Variants in SLC24A2 observed in about 807,000 individuals in gnomAD.
SLC24A2 encodes solute carrier family 24 member 2, also known as sodium/potassium/calcium exchanger 2.
A neutral mutation model predicts 62.0 loss-of-function variants in SLC24A2; 36 were observed. The ratio of observed to expected loss-of-function variants is 0.58; its 90% CI spans 0.44 to 0.77. SLC24A2 has a LOEUF of 0.77. SLC24A2 is among the 30% of genes least tolerant of loss of function. The pLI is 0.00. For missense variants in SLC24A2, 846 were observed against 817.9 expected, an observed-to-expected ratio of 1.03 and a Z score of -0.42; for synonymous variants, 358 against 294.0, an observed-to-expected ratio of 1.22 and a Z score of -2.23.
the SLC24A2 span, among the ~76,000 whole-genome samples, chr9:20,221,022 A>T: frequency 6.6e-6 from 1 of 152,204 alleles, no homozygotes; most frequent in African/African-American, 2.4e-5. Context: ...TTTACAAAAT[A>T]GGCAAAAAAT....
chr9:20,252,491 C>T, the SLC24A2 span, among the ~76,000 whole-genome samples: 8 of 152,146 alleles, frequency 5.3e-5, no homozygotes, highest in African/African-American at 1.2e-4. Context: ...TACTACACCA[C>T]GTGACTTTCA....
chr9:20,287,835 T>C, the SLC24A2 span, among the ~76,000 whole-genome samples: 1 of 152,196 alleles, frequency 6.6e-6, no homozygotes, highest in African/African-American at 2.4e-5. Flanking sequence ...GTTCATAACA[T>C]GCTCCCTTAG....
chr9:19,531,576 A>G (rs1471345715), intron 8 of SLC24A2, among the ~76,000 whole-genome samples: 1 of 152,188 alleles, frequency 6.6e-6, no homozygotes, highest in Non-Finnish European at 1.5e-5. Context: ...GCTTGGAAAA[A>G]GATGCTGGAC....
At chr9:20,235,452 C>T in the SLC24A2 span, among the ~76,000 whole-genome samples, 18 of 150,222 alleles carry the variant, frequency 1.2e-4, no homozygotes, top group Admixed American at 2.7e-4. Context: ...CCCCCAGCCT[C>T]GCTGCCACCT....
chr9:19,801,409 G>A, the SLC24A2 span, among the ~76,000 whole-genome samples: 2 of 152,288 alleles, frequency 1.3e-5, no homozygotes, highest in South Asian at 2.1e-4. Context: ...AGTCAGCGGC[G>A]GGTCTGCAAT....
the SLC24A2 span, among the ~76,000 whole-genome samples, chr9:20,223,046 G>C: frequency 6.6e-6 from 1 of 151,918 alleles, no homozygotes; most frequent in East Asian, 1.9e-4. Context: ...AAATCAAAAA[G>C]AAAGTTTAAG....
In SLC24A2 at chr9:19,672,074, G is replaced by A. The variant is rs1440303084; in HGVS notation, c.931-49775C>T. ...TAGGGTGATACCGGCTTCACAGAAT[G>A]ATTTAGGAAGAATTCCCTCTTTCTC... is the stretch of plus-strand genomic sequence containing the variant. On this transcript the variant is annotated intron_variant, in intron 2 of 10. Coordinates refer to ENST00000341998, the MANE Select transcript of SLC24A2 (RefSeq NM_020344.4). 2.7e-5 allele frequency among the ~76,000 whole-genome samples: 4 copies of A among 146,436 alleles called. 1 individual carries two copies. The highest frequency in any genetic ancestry group is 1.3e-4 in the Admixed American group (2 of 14,962).
chr9:19,600,258 T>C (rs540481332), intron 4 of SLC24A2, among the ~76,000 whole-genome samples: 11 of 152,346 alleles, frequency 7.2e-5, no homozygotes, highest in African/African-American at 2.4e-4. Flanking sequence ...CTTGCTTTCA[T>C]GCCACCGTGG....
At chr9:19,784,149 G>T (rs982153923) in intron 2 of SLC24A2, among the ~76,000 whole-genome samples, 15 of 152,150 alleles carry the variant, frequency 9.9e-5, no homozygotes, top group Non-Finnish European at 2.1e-4. Flanking sequence ...AGTAGGTAAA[G>T]ATCATTCCAG....
intron 2 of SLC24A2, among the ~76,000 whole-genome samples, chr9:19,745,991 A>G (rs1037231210): frequency 1.3e-5 from 2 of 152,136 alleles, no homozygotes; most frequent in African/African-American, 2.4e-5. Context: ...AGTCTAATAC[A>G]TTAGTTGAAG....
the SLC24A2 span, among the ~76,000 whole-genome samples, chr9:19,836,494 C>G: frequency 2.2e-4 from 33 of 152,274 alleles, no homozygotes; most frequent in African/African-American, 6.0e-4. Flanking sequence ...TGGATAAATT[C>G]CTCAACACAT....
intron 2 of SLC24A2, among the ~76,000 whole-genome samples, chr9:19,622,705 A>G (rs1475506817): frequency 1.3e-5 from 2 of 152,260 alleles, no homozygotes; most frequent in African/African-American, 4.8e-5. Context: ...CATTTCATAA[A>G]GGAAAATAAT....
chr9:20,048,795 C>A, the SLC24A2 span, among the ~76,000 whole-genome samples: 2 of 151,870 alleles, frequency 1.3e-5, no homozygotes, highest in African/African-American at 4.8e-5. Context: ...TTATAAGTAG[C>A]AAAACCAAAG....
At chr9:19,940,167 GT>G in the SLC24A2 span, among the ~76,000 whole-genome samples, 4 of 152,210 alleles carry the variant, frequency 2.6e-5, no homozygotes, top group African/African-American at 9.6e-5. Flanking sequence ...TTCCTTTAGG[GT>G]TTTTCTCTGG....
At chr9:19,891,647 G>C in the SLC24A2 span, among the ~76,000 whole-genome samples, 1 of 152,184 alleles carries the variant, frequency 6.6e-6, no homozygotes, top group South Asian at 2.1e-4. Context: ...TTGAGAGACT[G>C]AGGTGGGAAG....
chr9:19,653,040 A>C (rs1818845625), intron 2 of SLC24A2, among the ~76,000 whole-genome samples: 1 of 152,136 alleles, frequency 6.6e-6, no homozygotes, highest in South Asian at 2.1e-4. Context: ...CAGTGTTCCA[A>C]CTTCAGACCT....
the SLC24A2 span, among the ~76,000 whole-genome samples, chr9:19,962,831 C>T: frequency 6.6e-6 from 1 of 152,112 alleles, no homozygotes; most frequent in Non-Finnish European, 1.5e-5. Flanking sequence ...TCCTCTTTTC[C>T]TAATTGAATA....
the SLC24A2 span, among the ~76,000 whole-genome samples, chr9:20,170,621 T>A: frequency 6.6e-6 from 1 of 151,860 alleles, no homozygotes; most frequent in Non-Finnish European, 1.5e-5. Flanking sequence ...GGTAGGCTGT[T>A]TTACAGTAAC....
chr9:19,924,768 T>A, the SLC24A2 span, among the ~76,000 whole-genome samples: 1 of 152,166 alleles, frequency 6.6e-6, no homozygotes, highest in African/African-American at 2.4e-5. Context: ...CAAAGTGAAA[T>A]GACTTCTTCA....
Sources: gnomAD v4.1 joint callset for allele counts (sites outside exome capture counted in the v4.1 genomes callset) on GRCh38, gnomAD v4.1.1 for gene constraint, MANE v1.5 for transcripts, NCBI Gene and HGNC (gene_info 2026-07-23, HGNC 2026-07-21) for gene names.